Variants in STK33 observed in about 807,000 individuals in gnomAD.
STK33 encodes serine/threonine-protein kinase 33.
A neutral mutation model predicts 58.0 loss-of-function variants in STK33; 52 were observed. That is an observed-to-expected ratio of 0.90 (90% confidence interval 0.72 to 1.13). The LOEUF (loss-of-function observed/expected upper bound fraction) is 1.13, where lower values mean the gene tolerates loss of function less well. Among genes scored for constraint, STK33 ranks in the 50% most tolerant of loss-of-function variants. The pLI, the probability that STK33 is intolerant of heterozygous loss-of-function variation, is 0.00. For missense variants in STK33, 630 were observed against 604.2 expected (o/e 1.04, Z -0.45); for synonymous variants, 215 against 200.1 (o/e 1.07, Z -0.63).
chr11:8,542,484 T>C (rs1348517235), intron 1 of STK33, among the ~76,000 whole-genome samples: 1 of 152,182 alleles, frequency 6.6e-6, no homozygotes, highest in Non-Finnish European at 1.5e-5. Flanking sequence ...CATCTTTCGT[T>C]GTCACAACTA....
rs372044154 is a variant in STK33 at position 8,490,106 on chromosome 11, G to C, written c.-465-9492C>G. 1.2e-4 allele frequency among the ~76,000 whole-genome samples: 18 copies of C among 152,326 alleles called. No individual in the cohort carries two copies. The South Asian group carries it at 1.5e-3, about 12-fold the overall frequency. The stretch of plus-strand genomic sequence containing the variant: ...AGCCCATGGAGGGCGAGCCGAAGCA[G>C]GGCGAGGCGTTGCCTCACCCAGGAA... On this transcript the variant is annotated intron_variant, in intron 1 of 15. Transcript: ENST00000687296.
At chr11:8,465,074 A>C in intron 6 of STK33, 1 of 274,322 alleles carries the variant, frequency 3.6e-6, no homozygotes, top group Non-Finnish European at 6.8e-6. Context: ...ATGTGGAAAA[A>C]CTCAAAAGTA....
At chr11:8,429,795 T>C (rs977526489) in intron 14 of STK33, among the ~76,000 whole-genome samples, 2 of 152,162 alleles carry the variant, frequency 1.3e-5, no homozygotes, top group Non-Finnish European at 2.9e-5. Flanking sequence ...CTCCTGACTC[T>C]TGGTTCACCT....
At chr11:8,592,761 T>G (rs1281649939) in intron 1 of STK33, among the ~76,000 whole-genome samples, 1 of 152,048 alleles carries the variant, frequency 6.6e-6, no homozygotes, top group Admixed American at 6.6e-5. Flanking sequence ...ACATTAAGAG[T>G]TTTGTCTTTA....
chr11:8,389,223 G>A (rs1346808997), downstream of STK33, among the ~76,000 whole-genome samples: 2 of 152,246 alleles, frequency 1.3e-5, no homozygotes, highest in Non-Finnish European at 1.5e-5. Flanking sequence ...AGCTGTAAGA[G>A]GGCTGCCTGG....
At chr11:8,522,468 C>CA (rs112160760) in intron 1 of STK33, among the ~76,000 whole-genome samples, 29,570 of 123,124 alleles carry the variant, frequency 0.24, 3,157 homozygotes, top group East Asian at 0.33. Flanking sequence ...ACACTGGGGC[C>CA]AAAAAAAAAA....
chr11:8,490,606 A>G (rs1383436984), intron 1 of STK33, among the ~76,000 whole-genome samples: 1 of 152,218 alleles, frequency 6.6e-6, no homozygotes, highest in African/African-American at 2.4e-5. Context: ...GAACGGACAG[A>G]CTACCTCCTC....
chr11:8,564,296 TTGGG>T (rs1957308234), intron 1 of STK33, among the ~76,000 whole-genome samples: 1 of 152,160 alleles, frequency 6.6e-6, no homozygotes, highest in African/African-American at 2.4e-5. Flanking sequence ...ACAGATGACT[TTGGG>T]CATTGATGGA....
rs1382608130 is a variant in STK33, at chr11:8,392,274, TC to T, written c.*235del. The T allele has an allele frequency of 1.8e-6, 1 of 541,556 alleles. No individual in the cohort carries two copies. The highest frequency in any genetic ancestry group is 1.9e-5 in the African/African-American group (1 of 53,020). The allele number at this position is 541,556 out of a possible 1,614,324, so 33.5% of individuals were successfully genotyped here. A position where few individuals can be genotyped will look rare whatever the true frequency, so the allele number is the denominator to read the frequency against. The stretch of plus-strand genomic sequence containing the variant: ...CCTTCGTGTACATCTTGAGTTGATT[TC>T]CACTGCAGCCCACTGCCAAGCCTAC... On this transcript the variant is annotated 3_prime_UTR_variant, in exon 16 of 16. Coordinates refer to ENST00000687296, the MANE Select transcript of STK33 (RefSeq NM_001352389.2).
Position 8,480,633 on chromosome 11 carries a change from A to C in STK33, c.-465-19T>G, listed in dbSNP as rs1949719302. 1 of 152,408 alleles carries C rather than the reference A, an allele frequency of 6.6e-6. No homozygotes were observed. Among genetic ancestry groups the C allele is most frequent in the Admixed American group, 6.5e-5 (1 of 15,294 alleles). 9.4% of individuals were successfully genotyped at this position (152,408 alleles called of 1,614,324 possible). On this transcript the variant is annotated intron_variant, in intron 1 of 15. Transcript: ENST00000687296. ...GCCCTGCCTAGAAAAGAAAAAGATA[A>C]AAAATAGAAGAAAAAATATTGTAAG...
At chr11:8,544,298 TTATA>T (rs1250025210) in intron 1 of STK33, among the ~76,000 whole-genome samples, 4 of 129,008 alleles carry the variant, frequency 3.1e-5, no homozygotes, top group African/African-American at 9.0e-5. Flanking sequence ...AGTGGAAATT[TTATA>T]TATATATATA....
rs746861784 is a variant in STK33, at chr11:8,457,429, A to T, written c.609T>A (p.Ile203=). 5.0e-6 allele frequency: 8 copies of T among 1,606,934 alleles called. No individual in the cohort carries two copies. Among genetic ancestry groups the T allele is most frequent in the Non-Finnish European group, 6.8e-6 (8 of 1,175,228 alleles). The part of the protein sequence containing the change: ...ELCEDGELKE[I]LDRKGHFSEN... ...CTGAGAAATGCCCTTTCCTATCCAG[A>T]ATTTCTTTGAGTTCTCCATCCTCAC... Residue 203 remains isoleucine, a synonymous_variant, in exon 9 of 16, where the codon ATT becomes ATA. Transcript: ENST00000687296.
chr11:8,493,769 C>T (rs947751151), intron 1 of STK33, among the ~76,000 whole-genome samples: 3 of 152,256 alleles, frequency 2.0e-5, no homozygotes, highest in Admixed American at 6.5e-5. Context: ...TGGCTTCATC[C>T]CTGGGATGCA....
At chr11:8,503,213 A>C (rs1320281341) in intron 1 of STK33, among the ~76,000 whole-genome samples, 10 of 152,220 alleles carry the variant, frequency 6.6e-5, no homozygotes, top group Non-Finnish European at 1.0e-4. Context: ...ACATGGAATC[A>C]ACCTAAATGT....
intron 15 of STK33, among the ~76,000 whole-genome samples, chr11:8,398,462 C>T (rs1246925845): frequency 1.3e-5 from 2 of 152,152 alleles, no homozygotes; most frequent in South Asian, 2.1e-4. Context: ...CCGAAGGAAG[C>T]ACTAAACATG....
intron 15 of STK33, among the ~76,000 whole-genome samples, chr11:8,403,981 C>G (rs1488347759): frequency 6.6e-6 from 1 of 152,198 alleles, no homozygotes; most frequent in Non-Finnish European, 1.5e-5. Context: ...TGGTTTATCA[C>G]CATAGCAACA....
chr11:8,410,283 C>G (rs577090075), intron 15 of STK33, among the ~76,000 whole-genome samples: 1 of 152,006 alleles, frequency 6.6e-6, no homozygotes, highest in Non-Finnish European at 1.5e-5. Flanking sequence ...AAATGTTTTA[C>G]GAACACATAC....
At chr11:8,419,995 G>A (rs1941682993) in intron 14 of STK33, among the ~76,000 whole-genome samples, 1 of 151,940 alleles carries the variant, frequency 6.6e-6, no homozygotes, top group South Asian at 2.1e-4. Context: ...TGTTGTTGTA[G>A]AGGAGTCTCA....
At chr11:8,574,056 C>A (rs1189607773) in intron 1 of STK33, among the ~76,000 whole-genome samples, 1 of 152,206 alleles carries the variant, frequency 6.6e-6, no homozygotes, top group African/African-American at 2.4e-5. Context: ...GACCCCAACA[C>A]CACATGCTGG....
Sources: gnomAD v4.1 joint callset for allele counts (sites outside exome capture counted in the v4.1 genomes callset) on GRCh38, gnomAD v4.1.1 for gene constraint, MANE v1.5 for transcripts, NCBI Gene and HGNC (gene_info 2026-07-23, HGNC 2026-07-21) for gene names.